The following CFAP58 variants were observed in gnomAD, a reference collection of about 807,000 sequenced individuals.
CFAP58 encodes the protein cilia- and flagella-associated protein 58.
CFAP58 carries 88 observed loss-of-function variants against 119.5 expected under a neutral mutation model. That is an observed-to-expected ratio of 0.74 (90% CI 0.62 to 0.88). CFAP58 has a LOEUF of 0.88. CFAP58 is among the 40% of genes least tolerant of loss of function. CFAP58 has a pLI of 0.00. For missense variants in CFAP58, 990 were observed against 1,021.2 expected (o/e 0.97, Z 0.42); for synonymous variants, 365 against 366.3 (o/e 1.00, Z 0.04).
At chr10:104,453,474 C>T (rs568226719) in intron 17 of CFAP58, among the ~76,000 whole-genome samples, 2 of 152,234 alleles carry the variant, frequency 1.3e-5, no homozygotes, top group East Asian at 3.9e-4. Flanking sequence ...TTCTTAATCA[C>T]CCCTCTGCTC....
At chr10:104,415,760 A>G (rs979869854) in intron 15 of CFAP58, among the ~76,000 whole-genome samples, 1 of 152,166 alleles carries the variant, frequency 6.6e-6, no homozygotes, top group Non-Finnish European at 1.5e-5. Flanking sequence ...TGCATTGCCA[A>G]TCTGACTTTA....
chr10:104,379,201 G>A (rs1032944272), intron 8 of CFAP58, among the ~76,000 whole-genome samples: 8 of 151,814 alleles, frequency 5.3e-5, no homozygotes, highest in African/African-American at 1.5e-4. Flanking sequence ...TGGCAACTAC[G>A]AATCTTCTTT....
chr10:104,356,279 A>G (rs1375554816), intron 1 of CFAP58, among the ~76,000 whole-genome samples: 1 of 152,242 alleles, frequency 6.6e-6, no homozygotes, highest in Non-Finnish European at 1.5e-5. Flanking sequence ...TAATAGTACA[A>G]GTGTTTTCGA....
the CFAP58 span, among the ~76,000 whole-genome samples, chr10:104,343,278 C>T: frequency 2.0e-5 from 3 of 152,322 alleles, no homozygotes; most frequent in Admixed American, 6.5e-5. Flanking sequence ...GTGCTGGTCA[C>T]GTCCCTCCTC....
At chr10:104,377,443 A>T (rs146887703) in intron 8 of CFAP58, among the ~76,000 whole-genome samples, 1 of 152,326 alleles carries the variant, frequency 6.6e-6, no homozygotes, top group Non-Finnish European at 1.5e-5. Context: ...GCTTGAAGGC[A>T]GAGATCTGAA....
At chr10:104,353,344 A>G (rs2014488593), upstream of CFAP58, 1 of 152,906 alleles carries the variant, frequency 6.5e-6, no homozygotes, top group African/African-American at 2.4e-5. Flanking sequence ...TCTTGCACAC[A>G]GTAGCTGTTT....
At chr10:104,435,761 T>TAC (rs1186023268) in intron 15 of CFAP58, among the ~76,000 whole-genome samples, 17 of 152,342 alleles carry the variant, frequency 1.1e-4, no homozygotes, top group South Asian at 2.1e-4. Flanking sequence ...TATTAAGGCT[T>TAC]CAATTATCAC....
rs2011755777 is a variant in CFAP58 at position 104,380,173 on chromosome 10, A to G, written c.1318A>G (p.Lys440Glu). ...KQRKIIFHLE[K>E]ERDRYINQAS... is the part of the protein sequence containing the mutation. ...GAGAAAGATCATCTTTCATCTGGAAAAGGAGCGTGACCGGTACATCAACCA... is the reference window on the plus strand; with the variant it reads ...GAGAAAGATCATCTTTCATCTGGAAGAGGAGCGTGACCGGTACATCAACCA... The change falls in exon 9 of 18, where the codon AAG becomes GAG. Residue 440 changes from lysine to glutamate, a missense_variant. By Grantham distance (56) the Lys-to-Glu change is moderately conservative. Coordinates refer to ENST00000369704, the MANE Select transcript of CFAP58 (RefSeq NM_001008723.2). 6.2e-7 allele frequency: 1 copy of G among 1,614,138 alleles called. No individual in the cohort carries two copies.
At chr10:104,436,866 C>T (rs1373464010) in intron 15 of CFAP58, among the ~76,000 whole-genome samples, 3 of 152,210 alleles carry the variant, frequency 2.0e-5, no homozygotes, top group African/African-American at 4.8e-5. Flanking sequence ...CCCTTGCACA[C>T]GCTGCAGGCT....
Position 104,356,767 on chromosome 10 carries a change from A to G in CFAP58, c.10-1574A>G, listed in dbSNP as rs114279517. Among the ~76,000 whole-genome samples the G allele has an allele frequency of 3.7e-3, 558 of 152,248 alleles. 6 individuals are homozygous for G. Among genetic ancestry groups the G allele is most frequent in the African/African-American group, 0.013 (534 of 41,548 alleles). ...CATTTTATGATAGGGATCAAATTCT[A>G]TGCTTTCATTAACTGCATTCATATC... On this transcript the variant is annotated intron_variant, in intron 1 of 17. Coordinates refer to ENST00000369704, the MANE Select transcript of CFAP58 (RefSeq NM_001008723.2).
Position 104,400,581 on chromosome 10 carries a change from T to A in CFAP58, c.1816-99T>A, listed in dbSNP as rs878951624. On this transcript the variant is annotated intron_variant, in intron 12 of 17. Transcript: ENST00000369704. ...CAGCCCATGTGGTGCCCAGTACATG[T>A]GGGCGTTCAATAGATACTCATTGAA... is the stretch of plus-strand genomic sequence containing the variant. 5 of 967,718 alleles carry A rather than the reference T, an allele frequency of 5.2e-6. No homozygotes were observed. The African/African-American group carries it at 6.4e-5, about 12-fold the overall frequency. The allele number at this position is 967,718 out of a possible 1,614,324, so 59.9% of individuals were successfully genotyped here.
chr10:104,419,067 C>T (rs559449267), intron 15 of CFAP58, among the ~76,000 whole-genome samples: 2 of 152,274 alleles, frequency 1.3e-5, no homozygotes, highest in African/African-American at 4.8e-5. Flanking sequence ...GCTGTGTCCC[C>T]GTCGTGCTCC....
At chr10:104,414,061 G>A (rs958248986) in intron 15 of CFAP58, among the ~76,000 whole-genome samples, 2 of 152,170 alleles carry the variant, frequency 1.3e-5, no homozygotes, top group African/African-American at 2.4e-5. Flanking sequence ...CATAGTCAGA[G>A]GCCAAAGGGA....
intron 13 of CFAP58, among the ~76,000 whole-genome samples, chr10:104,403,520 T>TA: frequency 6.6e-6 from 1 of 151,578 alleles, no homozygotes; most frequent in East Asian, 1.9e-4. Context: ...ACTTTTTTTT[T>TA]TTTTTTTTTG....
chr10:104,346,516 T>TA, the CFAP58 span, among the ~76,000 whole-genome samples: 10 of 151,856 alleles, frequency 6.6e-5, no homozygotes, highest in African/African-American at 2.2e-4. Flanking sequence ...CCCAGCTCAT[T>TA]AAAAAAATTT....
upstream of CFAP58, chr10:104,353,753 G>T: frequency 1.2e-6 from 1 of 862,946 alleles, no homozygotes; most frequent in Non-Finnish European, 1.8e-6. Flanking sequence ...GTTGCCAGGC[G>T]ACGGGCCGAC....
At chr10:104,368,617 C>T (rs2014782711) in intron 6 of CFAP58, 57 bp downstream of exon 6, 2 of 1,595,120 alleles carry the variant, frequency 1.3e-6, no homozygotes, top group Non-Finnish European at 8.6e-7. Context: ...ACAGGTTTGC[C>T]TTGGCAATTG....
At chr10:104,368,585 T>C (rs776855572) in intron 6 of CFAP58, 25 bp downstream of exon 6, 4 of 1,612,016 alleles carry the variant, frequency 2.5e-6, no homozygotes, top group Non-Finnish European at 3.4e-6. Flanking sequence ...ACATGTCTGT[T>C]CCCTAGCTCT....
intron 15 of CFAP58, among the ~76,000 whole-genome samples, chr10:104,409,903 A>G (rs1304263596): frequency 6.6e-6 from 1 of 151,870 alleles, no homozygotes. Flanking sequence ...TTTTAGGTTT[A>G]TTTCTACCTT....
Sources: gnomAD v4.1 joint callset for allele counts (sites outside exome capture counted in the v4.1 genomes callset) on GRCh38, gnomAD v4.1.1 for gene constraint, MANE v1.5 for transcripts, NCBI Gene and HGNC (gene_info 2026-07-23, HGNC 2026-07-21) for gene names.